Variants in CPNE8 observed in about 807,000 individuals in gnomAD.
CPNE8 encodes copine 8.
A neutral mutation model predicts 81.5 loss-of-function variants in CPNE8; 45 were observed. The observed-to-expected ratio is 0.55, with a 90% CI of 0.44 to 0.71. CPNE8 has a LOEUF of 0.71. Ranked by LOEUF, CPNE8 falls within the 30% of genes least tolerant of loss-of-function variation. The pLI, the probability that CPNE8 is intolerant of heterozygous loss-of-function variation, is 0.00. For missense variants in CPNE8, 594 were observed against 672.1 expected (o/e 0.88, Z 1.28); for synonymous variants, 252 against 226.3 (o/e 1.11, Z -1.02).
chr12:38,765,867 T>A (rs1045037221), intron 8 of CPNE8, among the ~76,000 whole-genome samples: 44 of 151,852 alleles, frequency 2.9e-4, no homozygotes, highest in Non-Finnish European at 5.7e-4. Flanking sequence ...TTTTTTATTT[T>A]TTTTTTTTAA....
chr12:38,715,213 T>A (rs74087357), intron 13 of CPNE8, among the ~76,000 whole-genome samples: 4 of 152,080 alleles, frequency 2.6e-5, no homozygotes, highest in African/African-American at 9.7e-5. Context: ...TTTCACACTC[T>A]TTCTCTATCC....
At chr12:38,860,424 G>T (rs187901183) in intron 3 of CPNE8, among the ~76,000 whole-genome samples, 14 of 150,022 alleles carry the variant, frequency 9.3e-5, no homozygotes, top group Admixed American at 4.0e-4. Flanking sequence ...TGTTTTTGAG[G>T]ATGTGGAGAA....
chr12:38,723,707 T>G (rs1312258035), intron 13 of CPNE8, 65 bp downstream of exon 13: 2 of 933,206 alleles, frequency 2.1e-6, no homozygotes, highest in East Asian at 4.8e-5. Flanking sequence ...TACCTCGTGG[T>G]AGCGCTTGTT....
In CPNE8 at chr12:38,866,949, A is replaced by G. The variant is rs75069546; in HGVS notation, c.186+6055T>C. Among the ~76,000 whole-genome samples, 99 of 152,120 alleles carry G rather than the reference A, an allele frequency of 6.5e-4. 1 individual carries two copies. In the East Asian group the frequency reaches 0.015, roughly 23 times the overall value. The stretch of plus-strand genomic sequence containing the variant: ...TCTCAGCTCACTGCAACCTCCGACT[A>G]CTAGGTTCAAGCGATTCTCCTGCCT... On this transcript the variant is annotated intron_variant, in intron 3 of 19. Coordinates refer to ENST00000331366, the MANE Select transcript of CPNE8 (RefSeq NM_153634.3).
At chr12:38,777,532 T>C (rs965563817) in intron 6 of CPNE8, among the ~76,000 whole-genome samples, 10 of 152,168 alleles carry the variant, frequency 6.6e-5, no homozygotes, top group Non-Finnish European at 1.3e-4. Context: ...AGTAGTATAA[T>C]GTCTCAGGGC....
chr12:38,807,153 T>C (rs1942828456), intron 6 of CPNE8, among the ~76,000 whole-genome samples: 1 of 151,732 alleles, frequency 6.6e-6, no homozygotes, highest in African/African-American at 2.4e-5. Flanking sequence ...GAAGAATCAA[T>C]ATCGTGAAAA....
intron 11 of CPNE8, among the ~76,000 whole-genome samples, chr12:38,728,012 C>T (rs1476735037): frequency 6.6e-6 from 1 of 152,168 alleles, no homozygotes; most frequent in African/African-American, 2.4e-5. Flanking sequence ...AAGACTTCAG[C>T]AGCCCACATG....
At chr12:38,806,383 A>T (rs1166882746) in intron 6 of CPNE8, among the ~76,000 whole-genome samples, 1 of 149,292 alleles carries the variant, frequency 6.7e-6, no homozygotes, top group Non-Finnish European at 1.5e-5. Flanking sequence ...ATCCAGCAGC[A>T]CATCAAAAAG....
At chr12:38,792,055 T>C (rs762759546) in intron 6 of CPNE8, among the ~76,000 whole-genome samples, 1 of 144,314 alleles carries the variant, frequency 6.9e-6, no homozygotes, top group Admixed American at 6.9e-5. Flanking sequence ...AAACAGAACA[T>C]ACATACCAAA....
At chr12:38,717,429 G>GTGTATATA (rs770984926) in intron 13 of CPNE8, among the ~76,000 whole-genome samples, 20 of 87,030 alleles carry the variant, frequency 2.3e-4, no homozygotes, top group Admixed American at 1.5e-3. Context: ...AAAGTGTGGT[G>GTGTATATA]TATATATATA....
At chr12:38,821,578 G>A (rs1943111224) in intron 6 of CPNE8, among the ~76,000 whole-genome samples, 1 of 152,082 alleles carries the variant, frequency 6.6e-6, no homozygotes, top group African/African-American at 2.4e-5. Context: ...ATCATTCTGA[G>A]GCTTGTCTCT....
chr12:38,849,998 G>T (rs1049234307), intron 3 of CPNE8, among the ~76,000 whole-genome samples: 9 of 152,088 alleles, frequency 5.9e-5, no homozygotes, highest in African/African-American at 2.2e-4. Flanking sequence ...CTCTATTTAA[G>T]TGTAAAACAT....
intron 11 of CPNE8, among the ~76,000 whole-genome samples, chr12:38,727,987 G>A (rs188172028): frequency 9.9e-5 from 15 of 152,248 alleles, no homozygotes; most frequent in African/African-American, 2.9e-4. Flanking sequence ...TGCTGATCAC[G>A]GAGCTAACCA....
upstream of CPNE8, chr12:38,906,643 C>T: frequency 1.0e-6 from 1 of 981,378 alleles, no homozygotes; most frequent in Admixed American, 6.1e-5. Flanking sequence ...AACTGCATTC[C>T]AGGGCAGCAA....
intron 6 of CPNE8, among the ~76,000 whole-genome samples, chr12:38,785,431 C>A (rs1942161215): frequency 6.6e-6 from 1 of 151,810 alleles, no homozygotes; most frequent in African/African-American, 2.4e-5. Flanking sequence ...TCCCATAATT[C>A]CCACATGTTG....
intron 4 of CPNE8, among the ~76,000 whole-genome samples, chr12:38,845,020 G>A (rs1432954270): frequency 6.6e-6 from 1 of 151,900 alleles, no homozygotes; most frequent in Non-Finnish European, 1.5e-5. Context: ...AACTAAAACA[G>A]AATCAGGACC....
chr12:38,875,723 T>A (rs532531079), intron 1 of CPNE8, among the ~76,000 whole-genome samples: 19 of 152,266 alleles, frequency 1.2e-4, no homozygotes, highest in Non-Finnish European at 1.9e-4. Context: ...TGAGATCATG[T>A]CTTGAAATAT....
chr12:38,792,994 T>C (rs1023116877), intron 6 of CPNE8, among the ~76,000 whole-genome samples: 2 of 151,830 alleles, frequency 1.3e-5, no homozygotes, highest in African/African-American at 4.8e-5. Flanking sequence ...TACATGATCA[T>C]CTTAACTGAT....
At chr12:38,870,128 C>T (rs965279569) in intron 3 of CPNE8, among the ~76,000 whole-genome samples, 2 of 152,214 alleles carry the variant, frequency 1.3e-5, no homozygotes, top group African/African-American at 4.8e-5. Flanking sequence ...ATTAAAAAGT[C>T]AGGAAACAAC....
Sources: gnomAD v4.1 joint callset for allele counts (sites outside exome capture counted in the v4.1 genomes callset) on GRCh38, gnomAD v4.1.1 for gene constraint, MANE v1.5 for transcripts, NCBI Gene and HGNC (gene_info 2026-07-23, HGNC 2026-07-21) for gene names.